The following NECTIN1 variants were observed in gnomAD, a reference collection of about 807,000 sequenced individuals.
The protein encoded by NECTIN1 is nectin cell adhesion molecule 1.
Under a neutral mutation model 48.0 loss-of-function variants are expected in NECTIN1, and 23 were observed. The ratio of observed to expected loss-of-function variants is 0.48; its 90% CI spans 0.34 to 0.68. The LOEUF (loss-of-function observed/expected upper bound fraction) is 0.68, where lower values mean the gene tolerates loss of function less well. Ranked by LOEUF, NECTIN1 falls within the 30% of genes least tolerant of loss-of-function variation. The pLI is 0.01. For synonymous variants in NECTIN1, 270 were observed against 288.9 expected (o/e 0.93, Z 0.66); for missense variants, 591 against 709.9 (o/e 0.83, Z 1.90).
At chr11:119,689,757 C>T (rs1011206048) in intron 1 of NECTIN1, among the ~76,000 whole-genome samples, 2 of 152,202 alleles carry the variant, frequency 1.3e-5, no homozygotes, top group Admixed American at 1.3e-4. Flanking sequence ...CTTGGTCTCA[C>T]CAATCCCCAC....
intron 5 of NECTIN1, among the ~76,000 whole-genome samples, chr11:119,647,206 T>TGTGTG (rs2135528073): frequency 8.0e-6 from 1 of 125,048 alleles, no homozygotes; most frequent in East Asian, 2.7e-4. Flanking sequence ...TGTGTGTGTG[T>TGTGTG]GTGTGTGTGT....
chr11:119,714,000 C>G (rs573724881), intron 1 of NECTIN1: 75 of 384,774 alleles, frequency 1.9e-4, no homozygotes, highest in South Asian at 8.5e-4. Context: ...AGTGGCCCCC[C>G]CCTTGGTATT....
Position 119,675,103 on chromosome 11 carries a change from C to T in NECTIN1, c.1003+56G>A. The T allele has an allele frequency of 1.9e-6, 3 of 1,597,246 alleles. No individual in the cohort carries two copies. The South Asian group carries it at 3.3e-5, about 18-fold the overall frequency. On this transcript the variant is annotated intron_variant, in intron 5 of 5. Coordinates refer to ENST00000264025, the MANE Select transcript of NECTIN1 (RefSeq NM_002855.5). ...TGGCATTGCTCAAAGGTGAGGGATG[C>T]AGGTGGCGAAGGAACCCGTGGGTGC...
rs1466200905 is a variant in NECTIN1 at position 119,652,664 on chromosome 11, G to C, written c.1004-12652C>G. The stretch of plus-strand genomic sequence containing the variant: ...TATGCCCTTGCCAGAAAGACTAAAA[G>C]ATAAAAGGACGGATGGCACCAAGAG... On this transcript the variant is annotated intron_variant, in intron 5 of 7. Transcript: ENST00000341398. 4.6e-5 allele frequency among the ~76,000 whole-genome samples: 7 copies of C among 152,258 alleles called. No homozygotes were observed. The East Asian group carries it at 1.4e-3, about 29-fold the overall frequency.
intron 1 of NECTIN1, among the ~76,000 whole-genome samples, chr11:119,715,905 G>A (rs1406781596): frequency 6.6e-6 from 1 of 152,204 alleles, no homozygotes; most frequent in East Asian, 1.9e-4. Context: ...GCCATGCAGT[G>A]CTGGACTGGA....
Position 119,665,251 on chromosome 11 carries a change from C to A in NECTIN1, c.1050G>T (p.Gly350=). 1 of 1,598,400 alleles carries A rather than the reference C, an allele frequency of 6.3e-7. No homozygotes were observed. ...CCCCAATGATGGCCGTGGGCACCGG[C>A]CCGGCGCGCCGCCCATGTTCGGGAG... The part of the protein sequence containing the change: ...PSPPEHGRRA[G]PVPTAIIGGV... The change falls in exon 6 of 6, where the codon GGG becomes GGT. Residue 350 remains glycine, a synonymous_variant. Transcript: ENST00000264025. The surrounding 1 kb of genome is among the most constrained non-coding windows in gnomAD (Gnocchi z 5.1).
chr11:119,713,123 G>T (rs1478519261), intron 1 of NECTIN1: 1 of 152,312 alleles, frequency 6.6e-6, no homozygotes, highest in African/African-American at 2.4e-5. Flanking sequence ...GGGCATCCAA[G>T]CAGCCTGTGG....
exon 8 of NECTIN1, chr11:119,638,123 G>A (rs1286010146): frequency 6.2e-7 from 1 of 1,613,630 alleles, no homozygotes. Flanking sequence ...TCGAGGTTCG[G>A]TTGTCCTTAC....
chr11:119,702,095 C>G (rs1001151006), intron 1 of NECTIN1, among the ~76,000 whole-genome samples: 2 of 152,194 alleles, frequency 1.3e-5, no homozygotes, highest in Non-Finnish European at 2.9e-5. Context: ...AGGGTGGCAC[C>G]AGCCTGGGGA....
chr11:119,696,827 G>A (rs944025664), intron 1 of NECTIN1, among the ~76,000 whole-genome samples: 9 of 152,334 alleles, frequency 5.9e-5, no homozygotes, highest in East Asian at 3.9e-4. Flanking sequence ...GCATAGGGGC[G>A]GATGGGGCGA....
intron 5 of NECTIN1, among the ~76,000 whole-genome samples, chr11:119,647,492 C>A (rs1864414300): frequency 6.6e-6 from 1 of 152,118 alleles, no homozygotes; most frequent in Non-Finnish European, 1.5e-5. Flanking sequence ...GTTAGGGACC[C>A]TGCTGCGCAG....
chr11:119,689,307 T>C (rs949735710), intron 1 of NECTIN1, among the ~76,000 whole-genome samples: 1 of 152,226 alleles, frequency 6.6e-6, no homozygotes, highest in African/African-American at 2.4e-5. Context: ...GGTTCCAGCC[T>C]CGCAGCCTCA....
At chr11:119,721,986 G>A (rs192581383) in intron 1 of NECTIN1, among the ~76,000 whole-genome samples, 2 of 152,360 alleles carry the variant, frequency 1.3e-5, no homozygotes, top group East Asian at 3.9e-4. Flanking sequence ...GTGAGCTGGT[G>A]GTGGCTGGTA....
At position 119,648,283 on chromosome 11, in the gene NECTIN1, G is replaced by GTGGTGATGC. The variant is rs1864430509; in HGVS notation, c.1004-8272_1004-8271insGCATCACCA. Among the ~76,000 whole-genome samples the GTGGTGATGC allele has an allele frequency of 2.7e-4, 3 of 11,246 alleles. 1 individual carries two copies. The highest frequency in any genetic ancestry group is 4.1e-4 in the Non-Finnish European group (2 of 4,842). The allele number at this position is 11,246 out of a possible 152,430, so 7.4% of individuals were successfully genotyped here. A position where few individuals can be genotyped will look rare whatever the true frequency, so the allele number is the denominator to read the frequency against. On this transcript the variant is annotated intron_variant, in intron 5 of 7. Transcript: ENST00000341398. ...GGTAATAGTGGTGGTGGTGATGGTG[G>GTGGTGATGC]TGGTGATGGTGGTGGTGGTGGTGAT...
chr11:119,713,724 C>A, intron 1 of NECTIN1: 1 of 399,618 alleles, frequency 2.5e-6, no homozygotes, highest in South Asian at 1.8e-5. Flanking sequence ...ACCTGAGGGG[C>A]AGTCATGTCC....
Position 119,661,367 on chromosome 11 carries a change from C to A in NECTIN1, c.*3380G>T. On this transcript the variant is annotated 3_prime_UTR_variant, in exon 6 of 6. Coordinates refer to ENST00000264025, the MANE Select transcript of NECTIN1 (RefSeq NM_002855.5). ...TGGGCAGTGTTGGCAGCAGTGGCAG[C>A]AGCAGAGGGGCCTGCCTCCTGGCAT... The A allele has an allele frequency of 1.0e-6, 1 of 986,600 alleles. No individual in the cohort carries two copies. Among genetic ancestry groups the A allele is most frequent in the Non-Finnish European group, 1.2e-6 (1 of 830,554 alleles). The allele number at this position is 986,600 out of a possible 1,614,324, so 61.1% of individuals were successfully genotyped here.
rs1865876685 is a variant in NECTIN1 at position 119,724,397 on chromosome 11, C to T, written c.79+4078G>A. On this transcript the variant is annotated intron_variant, in intron 1 of 5. Transcript: ENST00000264025. ...CTCCCGGTGTGGTCAAGGTCTTCAGCATCTCCCTGCGAGCAGGCAGAGGCC... is the reference window on the plus strand; with the variant it reads ...CTCCCGGTGTGGTCAAGGTCTTCAGTATCTCCCTGCGAGCAGGCAGAGGCC... Among the ~76,000 whole-genome samples, 3 of 152,164 alleles carry T rather than the reference C, an allele frequency of 2.0e-5. No homozygotes were observed. The South Asian group carries it at 6.2e-4, about 32-fold the overall frequency.
At chr11:119,640,845 G>C (rs1289226634) in intron 5 of NECTIN1, 2 of 152,228 alleles carry the variant, frequency 1.3e-5, no homozygotes, top group Non-Finnish European at 2.9e-5. Flanking sequence ...CGTGGAGTGG[G>C]GGGTAGGGAC....
Position 119,711,895 on chromosome 11 carries a change from TA to T in NECTIN1, c.79+16579del, listed in dbSNP as rs148261208. On this transcript the variant is annotated intron_variant, in intron 1 of 5. Coordinates refer to ENST00000264025, the MANE Select transcript of NECTIN1 (RefSeq NM_002855.5). ...TTCGGCAATGTCTGAGGACACTTTT[TA>T]TTGTCACCCTGCACAGGAATGGCTG... Among the ~76,000 whole-genome samples, 652 of 152,278 alleles carry T rather than the reference TA, an allele frequency of 4.3e-3. 5 individuals are homozygous for T. Among genetic ancestry groups the T allele is most frequent in the African/African-American group, 0.015 (618 of 41,554 alleles).
Sources: gnomAD v4.1 joint callset for allele counts (sites outside exome capture counted in the v4.1 genomes callset) on GRCh38, gnomAD v4.1.1 for gene constraint, Gnocchi (gnomAD v3.1) non-coding constraint, MANE v1.5 for transcripts, NCBI Gene and HGNC (gene_info 2026-07-23, HGNC 2026-07-21) for gene names.